Variants in CAD observed in about 807,000 individuals in gnomAD.
The protein encoded by CAD is multifunctional protein CAD.
CAD carries 81 observed loss-of-function variants against 237.2 expected under a neutral mutation model. The ratio of observed to expected loss-of-function variants is 0.34; its 90% CI spans 0.29 to 0.41. The LOEUF is 0.41. Among genes scored for constraint, CAD ranks in the 10% least tolerant of loss-of-function variants. CAD has a pLI of 1.00. For synonymous variants in CAD, 1,196 were observed against 1,162.8 expected (o/e 1.03, Z -0.58); for missense variants, 2,181 against 2,951.7 (o/e 0.74, Z 6.05).
intron 15 of CAD, among the ~76,000 whole-genome samples, chr2:27,228,742 C>A (rs1406478005): frequency 6.6e-6 from 1 of 151,826 alleles, no homozygotes; most frequent in African/African-American, 2.4e-5. Context: ...CAGGCATGTG[C>A]CATCACGCCT....
In CAD at chr2:27,239,483, GCCC is replaced by G. The variant is rs749886474; in HGVS notation, c.5394+14_5394+16del. On this transcript the variant is annotated intron_variant, in intron 33 of 43. Transcript: ENST00000264705. The surrounding 1 kb of genome is among the most constrained non-coding windows in gnomAD (Gnocchi z 4.0). The stretch of plus-strand genomic sequence containing the variant: ...ATATCGATGGGCAGGTACGCAAGTA[GCCC>G]CTGCCTGATCTCAGTAGTGCCCTCT... 1 of 1,612,360 alleles carries G rather than the reference GCCC, an allele frequency of 6.2e-7. No homozygotes were observed. Among genetic ancestry groups the G allele is most frequent in the East Asian group, 2.2e-5 (1 of 44,836 alleles).
Position 27,226,753 on chromosome 2 carries a change from G to A in CAD, c.2157-79G>A, listed in dbSNP as rs1362310790. The A allele has an allele frequency of 1.2e-5, 20 of 1,602,376 alleles. No homozygotes were observed. The South Asian group carries it at 1.9e-4, about 15-fold the overall frequency. ...AAAGGACATTGGCCTGGATTTGTGG[G>A]AATGGAAAGAGCTATCCGGAAGCTC... On this transcript the variant is annotated intron_variant, in intron 14 of 43. Transcript: ENST00000264705.
Position 27,237,304 on chromosome 2 carries a change from G to A in CAD, c.4397-75G>A, listed in dbSNP as rs148702850. Reference sequence around the variant, plus strand: ...CTCCCAAAGTGCTAGGATTACAGGCGTGAGCCACCATGTCCAGCTCACCCT... The same window carrying A: ...CTCCCAAAGTGCTAGGATTACAGGCATGAGCCACCATGTCCAGCTCACCCT... On this transcript the variant is annotated intron_variant, in intron 27 of 43. Coordinates refer to ENST00000264705, the MANE Select transcript of CAD (RefSeq NM_004341.5). This position sits in a 1 kb window ranked among gnomAD's most constrained non-coding sequence, Gnocchi z 4.0. 355 of 1,515,008 alleles carry A rather than the reference G, an allele frequency of 2.3e-4. 3 individuals carry two copies. In the East Asian group the frequency reaches 6.9e-3, roughly 29 times the overall value. 93.8% of individuals were successfully genotyped at this position (1,515,008 alleles called of 1,614,324 possible). A position where few individuals can be genotyped will look rare whatever the true frequency, so the allele number is the denominator to read the frequency against.
Position 27,233,407 on chromosome 2 carries a change from G to T in CAD, c.3087G>T (p.Arg1029=), listed in dbSNP as rs143119049. The T allele has an allele frequency of 5.8e-4, 937 of 1,614,240 alleles. 15 individuals are homozygous for T. The South Asian group carries it at 8.8e-3, about 15-fold the overall frequency. Residue 1029 remains arginine (R), a synonymous_variant, in exon 20 of 44, where the codon CGG becomes CGT. Coordinates refer to ENST00000264705, the MANE Select transcript of CAD (RefSeq NM_004341.5). The surrounding 1 kb of genome is among the most constrained non-coding windows in gnomAD (Gnocchi z 6.3). ...LPNNMAMALH[R]QQCRVLGTSP... The stretch of plus-strand genomic sequence containing the variant: ...ACAACATGGCCATGGCGTTGCATCG[G>T]CAGCAGTGCCGGGTGCTGGGCACCT...
Position 27,241,115 on chromosome 2 carries a change from C to T in CAD, c.5696C>T (p.Ala1899Val). The change falls in exon 37 of 44, where the codon GCA (alanine) becomes GTA (valine). Residue 1899 changes from alanine to valine, a missense_variant. Ala to Val is a moderately conservative substitution (Grantham distance 64). Around this residue, in one of 12 missense-constraint regions of CAD, gnomAD observed 203 missense variants for 284.5 expected, o/e 0.71. Coordinates refer to ENST00000264705, the MANE Select transcript of CAD (RefSeq NM_004341.5). This position sits in a 1 kb window ranked among gnomAD's most constrained non-coding sequence, Gnocchi z 4.6. ...CCTCCACCACCAGTACCGAGACAGG[C>T]ATCTCCCCAGAACCTGGGGACCCCT... ...CYPPPPVPRQ[A>V]SPQNLGTPGL... 1 of 1,609,552 alleles carries T rather than the reference C, an allele frequency of 6.2e-7. No individual in the cohort carries two copies. Among genetic ancestry groups the T allele is most frequent in the Non-Finnish European group, 8.5e-7 (1 of 1,178,034 alleles).
At chr2:27,218,483 A>G (rs1326867958) in intron 2 of CAD, among the ~76,000 whole-genome samples, 3 of 152,194 alleles carry the variant, frequency 2.0e-5, no homozygotes, top group Non-Finnish European at 4.4e-5. Flanking sequence ...CAGCAGAGTC[A>G]GATGGGAGCA....
chr2:27,230,710 A>G (rs755662533), intron 15 of CAD, among the ~76,000 whole-genome samples: 8 of 152,196 alleles, frequency 5.3e-5, no homozygotes, highest in Non-Finnish European at 8.8e-5. Context: ...TTTGCTCTGC[A>G]TGGATGAGTA....
Position 27,222,286 on chromosome 2 carries a change from C to T in CAD, c.445C>T (p.Pro149Ser), listed in dbSNP as rs1362934496. The T allele has an allele frequency of 3.1e-6, 5 of 1,613,690 alleles. No individual in the cohort carries two copies. The highest frequency in any genetic ancestry group is 3.3e-5 in the Admixed American group (2 of 60,000). ...VQNGTEPSSL[P>S]FLDPNARPLV... is the part of the protein sequence containing the mutation. ...GAATGGAACAGAACCTTCATCCCTG[C>T]CATTCTTGGACCCCAATGCCCGCCC... The change falls in exon 4 of 44, where the codon CCA becomes TCA. Residue 149 changes from proline (P) to serine (S), a missense_variant. Physicochemically the swap from Pro to Ser is moderately conservative, Grantham distance 74. This residue lies in a region of CAD where 314 missense variants were observed against 339.4 expected (regional missense o/e 0.93). Coordinates refer to ENST00000264705, the MANE Select transcript of CAD (RefSeq NM_004341.5).
chr2:27,221,673 CATG>C lies in CAD; in HGVS notation c.352+329_352+331del, dbSNP rs554067775. On this transcript the variant is annotated intron_variant, in intron 3 of 43. Transcript: ENST00000264705. Reference sequence around the variant, plus strand: ...CTATGCAAAAGGAATCTTTAAAAAACATGATCATAATAACGTCATACACTAAAA... The same window carrying C: ...CTATGCAAAAGGAATCTTTAAAAAACATCATAATAACGTCATACACTAAAA... Among the ~76,000 whole-genome samples, 856 of 150,504 alleles carry C rather than the reference CATG, an allele frequency of 5.7e-3. 2 individuals carry two copies. The highest frequency in any genetic ancestry group is 9.3e-3 in the Non-Finnish European group (630 of 67,742).
At chr2:27,218,806 T>A (rs1435172256) in intron 2 of CAD, among the ~76,000 whole-genome samples, 2 of 152,202 alleles carry the variant, frequency 1.3e-5, no homozygotes, top group South Asian at 2.1e-4. Context: ...GAAGTCAATC[T>A]GGCCTAGAGT....
In CAD at chr2:27,243,452, C is replaced by G. The variant is rs1449611309; in HGVS notation, c.6612C>G (p.Phe2204Leu). 6.2e-7 allele frequency: 1 copy of G among 1,607,268 alleles called. No individual in the cohort carries two copies. Among genetic ancestry groups the G allele is most frequent in the East Asian group, 2.2e-5 (1 of 44,656 alleles). The change falls in exon 44 of 44, where the codon TTC becomes TTG. Residue 2204 changes from phenylalanine (F) to leucine (L), a missense_variant. Phe to Leu is a conservative substitution (Grantham distance 22, BLOSUM62 0). This residue lies in a region of CAD where 170 missense variants were observed against 212.1 expected (regional missense o/e 0.80). Transcript: ENST00000264705. ...EVDSDPRAAY[F>L]RQAENGMYIR... Reference sequence around the variant, plus strand: ...ACTCGGATCCCCGCGCAGCCTACTTCCGCCAGGCTGAGAACGGCATGTACA... The same window carrying G: ...ACTCGGATCCCCGCGCAGCCTACTTGCGCCAGGCTGAGAACGGCATGTACA...
intron 31 of CAD, 91 bp downstream of exon 31, chr2:27,238,723 T>C (rs1178829508): frequency 5.7e-6 from 7 of 1,228,364 alleles, no homozygotes; most frequent in African/African-American, 4.5e-5. Flanking sequence ...GCCTCAGGAC[T>C]CTACTAGGAC....
At position 27,240,227 on chromosome 2, in the gene CAD, A is replaced by G. The variant is rs377524656; in HGVS notation, c.5497-38A>G. ...GAACGAGACTCCGTCTCAAAAGAAAAAAAAAAAAACAACTCTGGGCCAACG... is the reference window on the plus strand; with the variant it reads ...GAACGAGACTCCGTCTCAAAAGAAAGAAAAAAAAACAACTCTGGGCCAACG... On this transcript the variant is annotated intron_variant, in intron 34 of 43. Coordinates refer to ENST00000264705, the MANE Select transcript of CAD (RefSeq NM_004341.5). This position sits in a 1 kb window ranked among gnomAD's most constrained non-coding sequence, Gnocchi z 4.6. The G allele has an allele frequency of 4.0e-5, 62 of 1,547,468 alleles. No homozygotes were observed. Among genetic ancestry groups the G allele is most frequent in the Non-Finnish European group, 5.1e-5 (58 of 1,135,330 alleles).
In CAD at chr2:27,242,871, G is replaced by T. The variant is rs758542389; in HGVS notation, c.6379-1G>T. The T allele has an allele frequency of 6.2e-7, 1 of 1,614,082 alleles. No homozygotes were observed. Among genetic ancestry groups the T allele is most frequent in the South Asian group, 1.1e-5 (1 of 91,072 alleles). On this transcript the variant is annotated splice_acceptor_variant, in intron 41 of 43. Coordinates refer to ENST00000264705, the MANE Select transcript of CAD (RefSeq NM_004341.5). LOFTEE classifies it high-confidence loss of function. The surrounding 1 kb of genome is among the most constrained non-coding windows in gnomAD (Gnocchi z 6.4). ...CCACCATGGCTCTCCTCACCCTCCA[G>T]GAGGAATTCGAGAGCATTGAGGAGG...
Position 27,242,665 on chromosome 2 carries a change from C to T in CAD, c.6268C>T (p.Leu2090=), listed in dbSNP as rs1676376657. 5 of 1,613,300 alleles carry T rather than the reference C, an allele frequency of 3.1e-6. No homozygotes were observed. In the East Asian group the frequency reaches 8.9e-5, roughly 29 times the overall value. ...GAAGCACGGACGCACAGTACATTCC[C>T]TGGCCTGCCTGCTCACCCAGTATCG... ...DLKHGRTVHS[L]ACLLTQYRVS... The change falls in exon 41 of 44, where the codon CTG becomes TTG. Residue 2090 remains leucine, a synonymous_variant. Transcript: ENST00000264705. The surrounding 1 kb of genome is among the most constrained non-coding windows in gnomAD (Gnocchi z 6.4).
chr2:27,225,299 TTTTC>T, intron 11 of CAD, 56 bp downstream of exon 11: 1 of 970,930 alleles, frequency 1.0e-6, no homozygotes, highest in Non-Finnish European at 1.5e-6. Context: ...GGTAGTGTTA[TTTTC>T]TTTTTTTTTT....
In CAD at chr2:27,228,848, C is replaced by T. The variant is rs1266121936; in HGVS notation, c.2287+1886C>T. 3.9e-5 allele frequency among the ~76,000 whole-genome samples: 6 copies of T among 151,984 alleles called. No homozygotes were observed. The East Asian group carries it at 1.2e-3, about 29-fold the overall frequency. Reference sequence around the variant, plus strand: ...CAGGTGATCCACCCACCTTTGGCCTCCCAAAGTGCTGGGATTACAGGCCAC... The same window carrying T: ...CAGGTGATCCACCCACCTTTGGCCTTCCAAAGTGCTGGGATTACAGGCCAC... On this transcript the variant is annotated intron_variant, in intron 15 of 43. Transcript: ENST00000264705.
Position 27,232,363 on chromosome 2 carries a change from C to T in CAD, c.2646-85C>T. ...GACCTTGGTTCCAAGGATATTTCCT[C>T]TCATCTGTGCCCTGGGGTCTCAACC... On this transcript the variant is annotated intron_variant, in intron 17 of 43. Transcript: ENST00000264705. This position sits in a 1 kb window ranked among gnomAD's most constrained non-coding sequence, Gnocchi z 4.1. The T allele has an allele frequency of 1.3e-6, 2 of 1,584,364 alleles. No individual in the cohort carries two copies. The highest frequency in any genetic ancestry group is 1.7e-6 in the Non-Finnish European group (2 of 1,164,326).
chr2:27,226,787 T>C, intron 14 of CAD, 45 bp from the exon 15 acceptor site: 2 of 1,611,044 alleles, frequency 1.2e-6, no homozygotes, highest in Non-Finnish European at 1.7e-6. Context: ...TCACCCTTTA[T>C]GCTTCCTTCA....
Sources: gnomAD v4.1 joint callset for allele counts (sites outside exome capture counted in the v4.1 genomes callset) on GRCh38, gnomAD v4.1.1 for gene constraint, gnomAD v4.1.1 regional missense constraint, Gnocchi (gnomAD v3.1) non-coding constraint, MANE v1.5 for transcripts, NCBI Gene and HGNC (gene_info 2026-07-23, HGNC 2026-07-21) for gene names.